Variants in KCNMA1 observed in about 807,000 individuals in gnomAD.
The protein encoded by KCNMA1 is Calcium-activated potassium channel subunit alpha-1.
KCNMA1 carries 29 observed loss-of-function variants against 140.0 expected under a neutral mutation model. That is an observed-to-expected ratio of 0.21 (90% confidence interval 0.15 to 0.28). The LOEUF is 0.28. Ranked by LOEUF, KCNMA1 falls within the 10% of genes least tolerant of loss-of-function variation. The pLI is 1.00. For synonymous variants in KCNMA1, 612 were observed against 611.9 expected (o/e 1.00, Z 0.00); for missense variants, 880 against 1,602.2 (o/e 0.55, Z 7.70).
intron 14 of KCNMA1, among the ~76,000 whole-genome samples, chr10:77,058,176 G>T (rs528002085): frequency 6.6e-6 from 1 of 152,068 alleles, no homozygotes; most frequent in South Asian, 2.1e-4. Flanking sequence ...CAAGGATATA[G>T]GGATAATATA....
intron 1 of KCNMA1, among the ~76,000 whole-genome samples, chr10:77,440,025 G>C (rs1414124391): frequency 6.6e-6 from 1 of 152,220 alleles, no homozygotes; most frequent in African/African-American, 2.4e-5. Flanking sequence ...CAGGGCGGGG[G>C]CTGGGAGTGC....
chr10:77,502,072 G>T (rs2119059), intron 1 of KCNMA1, among the ~76,000 whole-genome samples: 11,810 of 152,098 alleles, frequency 0.078, 1,327 homozygotes, highest in African/African-American at 0.25. Context: ...GAGGCCCTAA[G>T]GCAGCCCCAA....
chr10:77,455,860 C>T (rs2097755487), intron 1 of KCNMA1, among the ~76,000 whole-genome samples: 1 of 152,236 alleles, frequency 6.6e-6, no homozygotes, highest in Admixed American at 6.5e-5. Flanking sequence ...CGCCCCCTTT[C>T]CATTCAGCTC....
At chr10:77,342,518 AG>A (rs1418926080) in intron 2 of KCNMA1, among the ~76,000 whole-genome samples, 1 of 152,184 alleles carries the variant, frequency 6.6e-6, no homozygotes, top group Admixed American at 6.5e-5. Context: ...CCCAACCCCC[AG>A]CCAGATTCCT....
intron 3 of KCNMA1, among the ~76,000 whole-genome samples, chr10:77,219,192 C>T (rs964796143): frequency 3.9e-5 from 6 of 152,142 alleles, no homozygotes; most frequent in Non-Finnish European, 5.9e-5. Context: ...ACCCTTTAGA[C>T]CACAGGGCTT....
At chr10:77,312,365 C>T (rs748575384) in intron 2 of KCNMA1, among the ~76,000 whole-genome samples, 14 of 152,232 alleles carry the variant, frequency 9.2e-5, no homozygotes, top group Non-Finnish European at 2.1e-4. Context: ...GTGGCTCATG[C>T]CCGTAATCCC....
chr10:77,112,265 G>A, intron 7 of KCNMA1, 102 bp downstream of exon 7: 1 of 851,218 alleles, frequency 1.2e-6, no homozygotes. Context: ...TACAACCGAG[G>A]TGAAGTTAAT....
At chr10:77,172,916 T>C (rs185409697) in intron 5 of KCNMA1, among the ~76,000 whole-genome samples, 2 of 152,138 alleles carry the variant, frequency 1.3e-5, no homozygotes, top group Admixed American at 1.3e-4. Flanking sequence ...CCCTGCATGG[T>C]GGGAGGGACA....
chr10:77,079,448 C>T, intron 13 of KCNMA1, 33 bp downstream of exon 13: 5 of 1,434,112 alleles, frequency 3.5e-6, no homozygotes, highest in Non-Finnish European at 4.9e-6. Flanking sequence ...GTGGATGGGT[C>T]TTCAGACCTG....
intron 1 of KCNMA1, among the ~76,000 whole-genome samples, chr10:77,466,232 G>C (rs1187162761): frequency 1.3e-5 from 2 of 152,150 alleles, no homozygotes; most frequent in South Asian, 4.2e-4. Context: ...TCCCTAACTA[G>C]AGAGCAAGCT....
chr10:77,375,671 A>C (rs2095049323), intron 2 of KCNMA1, among the ~76,000 whole-genome samples: 1 of 152,222 alleles, frequency 6.6e-6, no homozygotes, highest in African/African-American at 2.4e-5. Flanking sequence ...CCCTTCAAGA[A>C]GGACTTGCTG....
chr10:77,497,530 C>G (rs977892452), intron 1 of KCNMA1, among the ~76,000 whole-genome samples: 10 of 152,190 alleles, frequency 6.6e-5, no homozygotes, highest in Admixed American at 4.6e-4. Context: ...CCCCCGCAGA[C>G]AGGCTTCCAA....
At chr10:77,142,034 A>G (rs2098183766) in intron 5 of KCNMA1, among the ~76,000 whole-genome samples, 1 of 152,208 alleles carries the variant, frequency 6.6e-6, no homozygotes, top group Non-Finnish European at 1.5e-5. Context: ...ACAATATATC[A>G]TAACTGTAAT....
chr10:77,420,434 G>GACC (rs1284556929), intron 1 of KCNMA1, among the ~76,000 whole-genome samples: 1 of 152,198 alleles, frequency 6.6e-6, no homozygotes, highest in African/African-American at 2.4e-5. Flanking sequence ...AGCCTCTCCA[G>GACC]ACCTCTTCAG....
intron 2 of KCNMA1, among the ~76,000 whole-genome samples, chr10:77,362,264 C>A (rs1473262098): frequency 1.3e-5 from 2 of 152,020 alleles, no homozygotes; most frequent in Admixed American, 1.3e-4. Context: ...CTTCCCTGCA[C>A]CCCCAAGAAC....
At chr10:76,979,811 C>T (rs1208582708) in intron 19 of KCNMA1, 1 of 152,146 alleles carries the variant, frequency 6.6e-6, no homozygotes, top group Admixed American at 6.5e-5. Flanking sequence ...TTCTTTCAAA[C>T]TCAGATAAAG....
intron 1 of KCNMA1, among the ~76,000 whole-genome samples, chr10:77,574,552 T>C (rs2154561647): frequency 6.6e-6 from 1 of 152,316 alleles, no homozygotes; most frequent in East Asian, 1.9e-4. Flanking sequence ...TTCTCTCTTT[T>C]TCAGGATGTA....
At chr10:76,937,899 G>T (rs2060968754) in intron 23 of KCNMA1, among the ~76,000 whole-genome samples, 1 of 151,292 alleles carries the variant, frequency 6.6e-6, no homozygotes, top group South Asian at 2.1e-4. Context: ...GGAAAGCTGT[G>T]TGTGTGTGTG....
chr10:77,189,801 A>G (rs1366007197), intron 3 of KCNMA1, among the ~76,000 whole-genome samples: 1 of 152,160 alleles, frequency 6.6e-6, no homozygotes, highest in Non-Finnish European at 1.5e-5. Context: ...CACAGACATG[A>G]GTCAATGCAA....
Sources: allele counts gnomAD v4.1 joint callset (sites outside exome capture counted in the v4.1 genomes callset), GRCh38; gene constraint gnomAD v4.1.1; transcripts MANE v1.5; gene names NCBI Gene and HGNC (gene_info 2026-07-23, HGNC 2026-07-21).